Variants in DIAPH2 observed in about 807,000 individuals in gnomAD.
DIAPH2 encodes the protein diaphanous related formin 2.
In DIAPH2, 35 loss-of-function variants were observed where a neutral mutation model predicts 92.7. The observed-to-expected ratio is 0.38, with a 90% confidence interval of 0.29 to 0.50. DIAPH2 has a LOEUF of 0.50. Ranked by LOEUF, DIAPH2 falls within the 20% of genes least tolerant of loss-of-function variation. The pLI, the probability that DIAPH2 is intolerant of heterozygous loss-of-function variation, is 0.94. For missense variants in DIAPH2, 701 were observed against 819.5 expected (o/e 0.86, Z 1.77); for synonymous variants, 301 against 280.4 (o/e 1.07, Z -0.73).
At chrX:96,899,604 T>C (rs1322702173) in intron 5 of DIAPH2, among the ~76,000 whole-genome samples, 1 of 111,608 alleles carries the variant, frequency 9.0e-6, no homozygotes, top group African/African-American at 3.3e-5. Flanking sequence ...CTGAAGTTGC[T>C]TATCAGCTTA....
At chrX:97,543,541 C>T (rs181400030) in intron 26 of DIAPH2, among the ~76,000 whole-genome samples, 31 of 110,002 alleles carry the variant, frequency 2.8e-4, no homozygotes, top group Non-Finnish European at 4.6e-4. Context: ...CTCACTCTGT[C>T]GACCCTGGGC....
intron 26 of DIAPH2, among the ~76,000 whole-genome samples, chrX:97,515,183 C>T (rs2070934214): frequency 8.9e-6 from 1 of 112,720 alleles, no homozygotes; most frequent in African/African-American, 3.2e-5. Context: ...GTAGGACCCT[C>T]CGAGCCAGGT....
intron 23 of DIAPH2, among the ~76,000 whole-genome samples, chrX:97,321,859 CTTAAA>C (rs2068900869): frequency 9.0e-6 from 1 of 111,623 alleles, no homozygotes; most frequent in African/African-American, 3.3e-5. Flanking sequence ...ATGTATGTGT[CTTAAA>C]TGGCTATTTG....
At chrX:97,195,665 A>AG (rs1342003324) in intron 22 of DIAPH2, among the ~76,000 whole-genome samples, 1 of 109,361 alleles carries the variant, frequency 9.1e-6, no homozygotes, top group Non-Finnish European at 1.9e-5. Context: ...CGTCTCAAAA[A>AG]AAAAAAAAAA....
chrX:97,454,361 CTG>C (rs1167924608), intron 26 of DIAPH2, among the ~76,000 whole-genome samples: 3 of 110,537 alleles, frequency 2.7e-5, no homozygotes, highest in Non-Finnish European at 3.8e-5. Context: ...AGAATACAGA[CTG>C]TATAATTGGT....
At chrX:97,435,851 A>G (rs1336942055) in intron 26 of DIAPH2, among the ~76,000 whole-genome samples, 1 of 92,465 alleles carries the variant, frequency 1.1e-5, no homozygotes, top group African/African-American at 4.3e-5. Context: ...TCTGTTGCCC[A>G]GGCTGGAGTG....
intron 23 of DIAPH2, among the ~76,000 whole-genome samples, chrX:97,326,460 C>G (rs2147661722): frequency 8.9e-6 from 1 of 112,057 alleles, no homozygotes; most frequent in South Asian, 3.7e-4. Flanking sequence ...AAATAACCAC[C>G]TACCCACCTG....
rs752323895 is a variant in DIAPH2, at chrX:97,579,112, T to G, written c.3242-20141T>G. Among the ~76,000 whole-genome samples the G allele has an allele frequency of 5.2e-3, 574 of 109,607 alleles. 4 individuals are homozygous for G. Among genetic ancestry groups the G allele is most frequent in the South Asian group, 0.012 (29 of 2,459 alleles). On this transcript the variant is annotated intron_variant, in intron 26 of 26. Coordinates refer to ENST00000324765, the MANE Select transcript of DIAPH2 (RefSeq NM_006729.5). Reference sequence around the variant, plus strand: ...GTAGGTTGCGAAATTTTTCTCCCATTTTGTAGGTTGCCTGTTCACTCTGAT... The same window carrying G: ...GTAGGTTGCGAAATTTTTCTCCCATGTTGTAGGTTGCCTGTTCACTCTGAT...
At chrX:97,563,771 T>C (rs1455168713) in intron 26 of DIAPH2, among the ~76,000 whole-genome samples, 1 of 110,849 alleles carries the variant, frequency 9.0e-6, no homozygotes, top group Non-Finnish European at 1.9e-5. Context: ...GCTGGCAGGC[T>C]TTGCCTTCTC....
intron 21 of DIAPH2, among the ~76,000 whole-genome samples, chrX:97,115,544 A>C (rs936727672): frequency 1.8e-5 from 2 of 111,496 alleles, no homozygotes; most frequent in African/African-American, 6.5e-5. Flanking sequence ...TCAAAAAATA[A>C]AATATAAAAT....
intron 26 of DIAPH2, among the ~76,000 whole-genome samples, chrX:97,458,851 T>C (rs1476530252): frequency 1.8e-5 from 2 of 111,957 alleles, no homozygotes; most frequent in East Asian, 2.8e-4. Context: ...CAGTAAGTTG[T>C]TGTCTCTCTA....
In DIAPH2 at chrX:97,321,551, T is replaced by A. The variant is rs1470798126; in HGVS notation, c.2845-26565T>A. Among the ~76,000 whole-genome samples, 648 of 87,333 alleles carry A rather than the reference T, an allele frequency of 7.4e-3. 5 individuals carry two copies. Among genetic ancestry groups the A allele is most frequent in the African/African-American group, 0.026 (619 of 24,088 alleles). The allele number at this position is 87,333 out of a possible 115,157, so 75.8% of individuals were successfully genotyped here. ...TTTTGTTGTTGTGTTGTTATTTTTT[T>A]TTTTTTTTTTTTTTTTGAGATGGAA... On this transcript the variant is annotated intron_variant, in intron 23 of 26. Coordinates refer to ENST00000324765, the MANE Select transcript of DIAPH2 (RefSeq NM_006729.5).
At chrX:96,912,260 A>G (rs1451417140) in intron 5 of DIAPH2, 68 bp from the exon 6 acceptor site, 1 of 853,917 alleles carries the variant, frequency 1.2e-6, no homozygotes, top group Non-Finnish European at 1.6e-6. Context: ...TTAAAATTTT[A>G]TTTTGGATAT....
intron 23 of DIAPH2, among the ~76,000 whole-genome samples, chrX:97,249,247 G>GTTGCTCA (rs2068167270): frequency 9.0e-6 from 1 of 111,164 alleles, no homozygotes; most frequent in Non-Finnish European, 1.9e-5. Context: ...TTGAGTCTTT[G>GTTGCTCA]TTGCTCATTT....
At chrX:96,948,721 G>C (rs796411324) in intron 14 of DIAPH2, among the ~76,000 whole-genome samples, 2 of 111,060 alleles carry the variant, frequency 1.8e-5, no homozygotes, top group African/African-American at 6.6e-5. Flanking sequence ...GTGAAAATGT[G>C]TTTTCTTACC....
At chrX:96,820,290 C>T (rs895291563) in intron 4 of DIAPH2, among the ~76,000 whole-genome samples, 7 of 111,659 alleles carry the variant, frequency 6.3e-5, no homozygotes, top group African/African-American at 6.5e-5. Context: ...GCCAATGTGG[C>T]GAAATCCCAT....
chrX:96,919,417 T>A (rs1037694740), intron 9 of DIAPH2, among the ~76,000 whole-genome samples: 8 of 111,673 alleles, frequency 7.2e-5, no homozygotes, highest in African/African-American at 2.3e-4. Flanking sequence ...TGATTCCAGG[T>A]TTTTGGTCTC....
chrX:96,694,345 A>ATT (rs747054500), intron 1 of DIAPH2, among the ~76,000 whole-genome samples: 5 of 99,153 alleles, frequency 5.0e-5, no homozygotes, highest in African/African-American at 1.5e-4. Context: ...TCTAGGCTGC[A>ATT]TTTTTTTTTT....
intron 17 of DIAPH2, among the ~76,000 whole-genome samples, chrX:97,022,532 G>A (rs1429740519): frequency 1.8e-5 from 2 of 111,709 alleles, no homozygotes; most frequent in Non-Finnish European, 3.8e-5. Context: ...CTCTGAAAAT[G>A]TTTCAAAACT....
Sources: gnomAD v4.1 joint callset for allele counts (sites outside exome capture counted in the v4.1 genomes callset) on GRCh38, gnomAD v4.1.1 for gene constraint, MANE v1.5 for transcripts, NCBI Gene and HGNC (gene_info 2026-07-23, HGNC 2026-07-21) for gene names.